Variants in APLF observed in about 807,000 individuals in gnomAD.
APLF encodes the protein aprataxin and PNKP like factor.
APLF carries 61 observed loss-of-function variants against 55.6 expected under a neutral mutation model. That is an observed-to-expected ratio of 1.10 (90% CI 0.89 to 1.36). The LOEUF is 1.36. Among genes scored for constraint, APLF ranks in the 40% most tolerant of loss-of-function variants. The pLI is 0.00. For synonymous variants in APLF, 207 were observed against 214.8 expected, an observed-to-expected ratio of 0.96 and a Z score of 0.32; for missense variants, 611 against 602.5, an observed-to-expected ratio of 1.01 and a Z score of -0.15.
intron 9 of APLF, among the ~76,000 whole-genome samples, chr2:68,571,141 T>C (rs1671448903): frequency 6.6e-6 from 1 of 151,978 alleles, no homozygotes; most frequent in South Asian, 2.1e-4. Flanking sequence ...TTTGATGGGG[T>C]TGTTTTTTTT....
At chr2:68,474,481 T>C (rs1263859358) in intron 1 of APLF, among the ~76,000 whole-genome samples, 1 of 152,204 alleles carries the variant, frequency 6.6e-6, no homozygotes, top group Non-Finnish European at 1.5e-5. Flanking sequence ...CTGAGGATTT[T>C]AGTGGTTATG....
At chr2:68,569,609 T>C (rs561076421) in intron 9 of APLF, among the ~76,000 whole-genome samples, 12 of 152,038 alleles carry the variant, frequency 7.9e-5, no homozygotes, top group African/African-American at 2.9e-4. Flanking sequence ...CAAATAATGA[T>C]GAGCCAATAT....
At chr2:68,487,162 C>G (rs530994813) in intron 1 of APLF, among the ~76,000 whole-genome samples, 15 of 152,200 alleles carry the variant, frequency 9.9e-5, no homozygotes, top group African/African-American at 3.4e-4. Context: ...AAATGAAAGC[C>G]TGAGGGCCTC....
chr2:68,494,277 CAAAA>C (rs59466460), intron 2 of APLF, among the ~76,000 whole-genome samples: 26 of 49,542 alleles, frequency 5.2e-4, no homozygotes, highest in African/African-American at 1.5e-3. Flanking sequence ...GACCCCGTCT[CAAAA>C]AAAAAAAAAA....
In APLF at chr2:68,504,334, C is replaced by T. The variant is rs577342621; in HGVS notation, c.341+1431C>T. Among the ~76,000 whole-genome samples the T allele has an allele frequency of 7.9e-5, 12 of 151,928 alleles. No homozygotes were observed. The South Asian group carries it at 2.5e-3, about 32-fold the overall frequency. Reference sequence around the variant, plus strand: ...GCTTCTGTAATTTAGAAACTAAAATCAGACAAGATTTTACAAAAAACCCTC... The same window carrying T: ...GCTTCTGTAATTTAGAAACTAAAATTAGACAAGATTTTACAAAAAACCCTC... On this transcript the variant is annotated intron_variant, in intron 3 of 9. Transcript: ENST00000303795.
intron 8 of APLF, chr2:68,563,022 A>T (rs1054597389): frequency 1.0e-6 from 1 of 977,448 alleles, no homozygotes; most frequent in Admixed American, 6.2e-5. Context: ...TGAGCCTGTC[A>T]TAGATACTCT....
At chr2:68,517,699 CAA>C (rs1026606832) in intron 5 of APLF, among the ~76,000 whole-genome samples, 72 of 144,318 alleles carry the variant, frequency 5.0e-4, no homozygotes, top group Non-Finnish European at 9.1e-4. Context: ...TAACATGTAA[CAA>C]TAATATATCA....
At chr2:68,472,472 A>G (rs1445733927) in intron 1 of APLF, among the ~76,000 whole-genome samples, 6 of 152,228 alleles carry the variant, frequency 3.9e-5, no homozygotes, top group Non-Finnish European at 1.5e-5. Context: ...TTTGTAGGGC[A>G]TGACTCCCCA....
chr2:68,550,542 T>C (rs1270301948), intron 8 of APLF, among the ~76,000 whole-genome samples: 1 of 152,180 alleles, frequency 6.6e-6, no homozygotes, highest in East Asian at 1.9e-4. Flanking sequence ...CATTTACATT[T>C]AATACTATTA....
At chr2:68,569,479 G>C (rs1302245010) in intron 9 of APLF, among the ~76,000 whole-genome samples, 1 of 152,108 alleles carries the variant, frequency 6.6e-6, no homozygotes, top group East Asian at 1.9e-4. Context: ...GAGTTAGCAA[G>C]TGGATCATTT....
chr2:68,477,580 C>CA (rs773625171), intron 1 of APLF, among the ~76,000 whole-genome samples: 29 of 152,184 alleles, frequency 1.9e-4, no homozygotes, highest in Middle Eastern at 6.3e-3. Flanking sequence ...ATTGAGGCAG[C>CA]AGTGAGCCAT....
chr2:68,471,321 T>C (rs989434897), intron 1 of APLF, among the ~76,000 whole-genome samples: 2 of 152,220 alleles, frequency 1.3e-5, no homozygotes, highest in African/African-American at 4.8e-5. Flanking sequence ...TTTTTCCTGT[T>C]TTGTTGATTG....
chr2:68,530,039 T>A (rs1295205453), intron 6 of APLF, among the ~76,000 whole-genome samples: 1 of 152,186 alleles, frequency 6.6e-6, no homozygotes, highest in African/African-American at 2.4e-5. Context: ...GAGGACGCGG[T>A]GCCCTGACCT....
At chr2:68,570,436 TC>T (rs1003634609) in intron 9 of APLF, among the ~76,000 whole-genome samples, 6 of 150,834 alleles carry the variant, frequency 4.0e-5, no homozygotes, top group South Asian at 2.1e-4. Context: ...ATGCTATCCC[TC>T]CCCCACTCCC....
intron 8 of APLF, among the ~76,000 whole-genome samples, chr2:68,562,902 G>A (rs1301932055): frequency 6.6e-6 from 1 of 151,994 alleles, no homozygotes; most frequent in Non-Finnish European, 1.5e-5. Context: ...GTGTGATTTT[G>A]TGTGTGATAA....
chr2:68,495,288 C>A (rs1676507614), intron 2 of APLF, among the ~76,000 whole-genome samples: 1 of 152,140 alleles, frequency 6.6e-6, no homozygotes. Flanking sequence ...CCTGTAAAAT[C>A]AAAAGTTATT....
chr2:68,558,789 C>G (rs1671085284), intron 8 of APLF, among the ~76,000 whole-genome samples: 1 of 152,160 alleles, frequency 6.6e-6, no homozygotes, highest in South Asian at 2.1e-4. Flanking sequence ...TGCTCTCCCT[C>G]TGCCTACGCC....
At chr2:68,533,948 A>G (rs1177194034) in intron 6 of APLF, among the ~76,000 whole-genome samples, 1 of 152,130 alleles carries the variant, frequency 6.6e-6, no homozygotes, top group Non-Finnish European at 1.5e-5. Flanking sequence ...ACTAGAGGAG[A>G]GATTGGAAAA....
intron 2 of APLF, among the ~76,000 whole-genome samples, chr2:68,495,339 A>T (rs943490902): frequency 1.3e-5 from 2 of 152,176 alleles, no homozygotes; most frequent in Middle Eastern, 3.2e-3. Context: ...TTGGGTAGAC[A>T]TCCCTGTTTC....
Sources: gnomAD v4.1 joint callset for allele counts (sites outside exome capture counted in the v4.1 genomes callset) on GRCh38, gnomAD v4.1.1 for gene constraint, MANE v1.5 for transcripts, NCBI Gene and HGNC (gene_info 2026-07-23, HGNC 2026-07-21) for gene names.